The following MAGI2 variants were observed in gnomAD, a reference collection of about 807,000 sequenced individuals.
MAGI2 encodes membrane associated guanylate kinase, WW and PDZ domain containing 2, also known as membrane-associated guanylate kinase, WW and PDZ domain-containing protein 2.
Under a neutral mutation model 133.3 loss-of-function variants are expected in MAGI2, and 35 were observed. The observed-to-expected ratio is 0.26, with a 90% confidence interval of 0.20 to 0.35. The LOEUF (loss-of-function observed/expected upper bound fraction) is 0.35, where lower values mean the gene tolerates loss of function less well. Among genes scored for constraint, MAGI2 ranks in the 10% least tolerant of loss-of-function variants. The pLI, the probability that MAGI2 is intolerant of heterozygous loss-of-function variation, is 1.00. For synonymous variants in MAGI2, 729 were observed against 710.6 expected, an observed-to-expected ratio of 1.03 and a Z score of -0.41; for missense variants, 1,636 against 1,863.4, an observed-to-expected ratio of 0.88 and a Z score of 2.25.
intron 9 of MAGI2, among the ~76,000 whole-genome samples, chr7:78,328,922 A>G (rs1435241215): frequency 6.6e-6 from 1 of 152,208 alleles, no homozygotes; most frequent in Non-Finnish European, 1.5e-5. Flanking sequence ...GTGATGATAT[A>G]AAGAAAGACA....
intron 1 of MAGI2, among the ~76,000 whole-genome samples, chr7:79,407,513 T>G (rs550316737): frequency 1.3e-5 from 2 of 152,258 alleles, no homozygotes; most frequent in African/African-American, 4.8e-5. Flanking sequence ...ACTTGTTCGT[T>G]CTAACTGGTG....
At chr7:79,391,554 TATATATATAC>T (rs1483864740) in intron 1 of MAGI2, among the ~76,000 whole-genome samples, 1 of 73,564 alleles carries the variant, frequency 1.4e-5, no homozygotes, top group African/African-American at 9.8e-5. Context: ...TATATATATA[TATATATATAC>T]ACACTTTACT....
chr7:79,307,107 C>T (rs768604993), intron 1 of MAGI2, among the ~76,000 whole-genome samples: 1 of 152,126 alleles, frequency 6.6e-6, no homozygotes, highest in Non-Finnish European at 1.5e-5. Flanking sequence ...TTACACTGAG[C>T]AGCAGGAGTG....
chr7:78,052,029 C>T (rs1812062182), intron 21 of MAGI2, among the ~76,000 whole-genome samples: 2 of 152,072 alleles, frequency 1.3e-5, no homozygotes, highest in African/African-American at 2.4e-5. Flanking sequence ...CACCACCACA[C>T]TTGGCTAATT....
chr7:78,459,302 C>T (rs1480209132), intron 6 of MAGI2, among the ~76,000 whole-genome samples: 1 of 152,106 alleles, frequency 6.6e-6, no homozygotes, highest in Non-Finnish European at 1.5e-5. Context: ...CTCATCTTGT[C>T]ATTATTACCT....
At chr7:78,892,236 A>T (rs1270432602) in intron 2 of MAGI2, among the ~76,000 whole-genome samples, 1 of 152,214 alleles carries the variant, frequency 6.6e-6, no homozygotes, top group Non-Finnish European at 1.5e-5. Flanking sequence ...AAGAGGATAC[A>T]AACATATGGA....
intron 2 of MAGI2, among the ~76,000 whole-genome samples, chr7:78,932,511 TAA>T (rs201473508): frequency 7.1e-6 from 1 of 141,260 alleles, no homozygotes; most frequent in Non-Finnish European, 1.6e-5. Context: ...TAATGAAAAA[TAA>T]AAAAAAAAAC....
intron 6 of MAGI2, among the ~76,000 whole-genome samples, chr7:78,371,313 A>C (rs1020881677): frequency 4.0e-5 from 6 of 151,882 alleles, no homozygotes; most frequent in African/African-American, 1.4e-4. Flanking sequence ...AGAGGACAGC[A>C]ATTAATATTA....
At chr7:78,833,737 G>T (rs577418677) in intron 2 of MAGI2, among the ~76,000 whole-genome samples, 3 of 152,270 alleles carry the variant, frequency 2.0e-5, no homozygotes, top group South Asian at 4.1e-4. Flanking sequence ...CAGCGCTGAA[G>T]CACCCCAGGG....
chr7:78,624,087 T>C lies in MAGI2; in HGVS notation c.538+3033A>G, dbSNP rs181364825. 8.6e-4 allele frequency among the ~76,000 whole-genome samples: 131 copies of C among 152,266 alleles called. 1 individual carries two copies. The highest frequency in any genetic ancestry group is 1.4e-3 in the Non-Finnish European group (98 of 67,994). ...TGTGTTTCTTTAATGATCAGTGATG[T>C]TGAGTTTTTTTCATGTTTGTTGGCC... On this transcript the variant is annotated intron_variant, in intron 3 of 21. Coordinates refer to ENST00000354212, the MANE Select transcript of MAGI2 (RefSeq NM_012301.4).
chr7:78,860,588 C>G (rs1794074888), intron 2 of MAGI2, among the ~76,000 whole-genome samples: 1 of 152,164 alleles, frequency 6.6e-6, no homozygotes, highest in African/African-American at 2.4e-5. Flanking sequence ...ATGTTGCTGC[C>G]TGATCCTTCC....
At chr7:79,367,442 AG>A (rs1257464207) in intron 1 of MAGI2, among the ~76,000 whole-genome samples, 1 of 152,172 alleles carries the variant, frequency 6.6e-6, no homozygotes, top group Non-Finnish European at 1.5e-5. Flanking sequence ...AGAGCTGATC[AG>A]GCAATGCAGC....
At chr7:78,465,846 T>G (rs939121384) in intron 6 of MAGI2, among the ~76,000 whole-genome samples, 1 of 152,206 alleles carries the variant, frequency 6.6e-6, no homozygotes, top group Non-Finnish European at 1.5e-5. Context: ...CTTTAGGTTC[T>G]CATCTCCTGA....
At chr7:79,174,724 ACACT>A (rs1483128094) in intron 1 of MAGI2, among the ~76,000 whole-genome samples, 1 of 151,828 alleles carries the variant, frequency 6.6e-6, no homozygotes, top group African/African-American at 2.4e-5. Context: ...TATTAAAAAA[ACACT>A]CATTCTCTAG....
At chr7:79,401,471 C>G (rs918932184) in intron 1 of MAGI2, among the ~76,000 whole-genome samples, 13 of 152,120 alleles carry the variant, frequency 8.5e-5, no homozygotes, top group African/African-American at 3.1e-4. Context: ...TTTTCTAACA[C>G]GTTACTGTGC....
At position 78,141,495 on chromosome 7, in the gene MAGI2, G is replaced by GA. The variant is rs1423797857; in HGVS notation, c.2846-6290dup. Among the ~76,000 whole-genome samples, 6 of 152,170 alleles carry GA rather than the reference G, an allele frequency of 3.9e-5. No homozygotes were observed. In the South Asian group the frequency reaches 8.3e-4, roughly 21 times the overall value. On this transcript the variant is annotated intron_variant, in intron 16 of 21. Transcript: ENST00000354212. ...TTGTCATCATGGGGTGGAGATGTGG[G>GA]AAAAAACATGTGTTTTGTATTTTAA...
intron 1 of MAGI2, among the ~76,000 whole-genome samples, chr7:79,359,349 T>C (rs935070230): frequency 3.3e-5 from 5 of 152,002 alleles, no homozygotes; most frequent in African/African-American, 9.7e-5. Flanking sequence ...TAGAAACTTG[T>C]GAAACAATAA....
chr7:78,324,927 T>C (rs1352493571), intron 9 of MAGI2, among the ~76,000 whole-genome samples: 1 of 152,102 alleles, frequency 6.6e-6, no homozygotes, highest in Admixed American at 6.6e-5. Context: ...GATCGCGCCA[T>C]TGTACTCCAG....
At chr7:78,323,760 T>C (rs752228128) in intron 9 of MAGI2, among the ~76,000 whole-genome samples, 20 of 152,204 alleles carry the variant, frequency 1.3e-4, no homozygotes, top group Admixed American at 3.3e-4. Flanking sequence ...ATAAAAATTA[T>C]TGCATAGTTC....
Sources: allele counts gnomAD v4.1 joint callset (sites outside exome capture counted in the v4.1 genomes callset), GRCh38; gene constraint gnomAD v4.1.1; transcripts MANE v1.5; gene names NCBI Gene and HGNC (gene_info 2026-07-23, HGNC 2026-07-21).